DCAF1: variants seen among roughly 807,000 people sequenced by gnomAD.
DCAF1 encodes the protein DDB1- and CUL4-associated factor 1.
A neutral mutation model predicts 128.0 loss-of-function variants in DCAF1; 15 were observed. That is an observed-to-expected ratio of 0.12 (90% CI 0.08 to 0.18). The LOEUF is 0.18. Among genes scored for constraint, DCAF1 ranks in the 10% least tolerant of loss-of-function variants. DCAF1 has a pLI of 1.00. For missense variants in DCAF1, 988 were observed against 1,649.5 expected, an observed-to-expected ratio of 0.60 and a Z score of 6.95; for synonymous variants, 610 against 603.0, an observed-to-expected ratio of 1.01 and a Z score of -0.17.
At chr3:51,461,277 A>G in intron 6 of DCAF1, among the ~76,000 whole-genome samples, 1 of 152,060 alleles carries the variant, frequency 6.6e-6, no homozygotes, top group Non-Finnish European at 1.5e-5. Context: ...TTCTCAAAAG[A>G]AGACATTTAT....
At chr3:51,440,941 C>T (rs781871929) in intron 9 of DCAF1, 29 bp downstream of exon 9, 5 of 1,561,564 alleles carry the variant, frequency 3.2e-6, no homozygotes, top group Non-Finnish European at 3.5e-6. Flanking sequence ...AAAAAATCCC[C>T]GGTGACCCAA....
chr3:51,432,772 A>G (rs1466977193), intron 10 of DCAF1, among the ~76,000 whole-genome samples: 3 of 152,170 alleles, frequency 2.0e-5, no homozygotes, highest in Non-Finnish European at 4.4e-5. Context: ...TGTTTTTACA[A>G]TAACTCATAA....
At chr3:51,500,806 CTCTG>C (rs1395872228), upstream of DCAF1, among the ~76,000 whole-genome samples, 19 of 144,508 alleles carry the variant, frequency 1.3e-4, no homozygotes, top group East Asian at 1.9e-3. Context: ...CCTCTTTTTT[CTCTG>C]TCTTTTTTTT....
intron 2 of DCAF1, among the ~76,000 whole-genome samples, chr3:51,489,494 A>G (rs772434946): frequency 1.5e-4 from 23 of 151,982 alleles, no homozygotes; most frequent in Non-Finnish European, 2.8e-4. Context: ...ATTAGGCAAG[A>G]AAAAGAAATA....
chr3:51,445,836 G>A (rs1217980426), intron 6 of DCAF1, among the ~76,000 whole-genome samples: 1 of 152,046 alleles, frequency 6.6e-6, no homozygotes, highest in African/African-American at 2.4e-5. Context: ...ACCACTATCA[G>A]TCTGATGGGT....
chr3:51,480,125 AT>A (rs797028810), intron 3 of DCAF1, among the ~76,000 whole-genome samples: 2 of 148,184 alleles, frequency 1.3e-5, no homozygotes, highest in Non-Finnish European at 1.5e-5. Context: ...AAAAAAAAAA[AT>A]TTTTTTTAAT....
intron 14 of DCAF1, among the ~76,000 whole-genome samples, chr3:51,421,509 G>A (rs184420283): frequency 3.3e-5 from 5 of 152,208 alleles, no homozygotes; most frequent in South Asian, 2.1e-4. Flanking sequence ...CACCCGCCTC[G>A]GCCTCCCAAA....
intron 4 of DCAF1, among the ~76,000 whole-genome samples, chr3:51,468,318 C>G (rs2108160103): frequency 6.6e-6 from 1 of 152,042 alleles, no homozygotes; most frequent in Non-Finnish European, 1.5e-5. Context: ...ATTACAGGTG[C>G]CTGCCACCAC....
At chr3:51,426,547 T>C (rs919050275) in intron 13 of DCAF1, among the ~76,000 whole-genome samples, 3 of 152,186 alleles carry the variant, frequency 2.0e-5, no homozygotes, top group Non-Finnish European at 4.4e-5. Flanking sequence ...CATTTTCTGT[T>C]TTAATTTCTA....
chr3:51,396,532 A>T (rs182643114), downstream of DCAF1: 2 of 167,196 alleles, frequency 1.2e-5, no homozygotes, highest in Admixed American at 1.3e-4. Context: ...CAGTGCCCCC[A>T]CCCAGGGTTC....
At chr3:51,432,357 G>T (rs927344039) in intron 10 of DCAF1, among the ~76,000 whole-genome samples, 1 of 151,668 alleles carries the variant, frequency 6.6e-6, no homozygotes, top group African/African-American at 2.4e-5. Flanking sequence ...TGAGCACTTG[G>T]GCAATAGGGC....
chr3:51,413,691 T>C (rs1698631261), intron 20 of DCAF1, among the ~76,000 whole-genome samples: 2 of 152,260 alleles, frequency 1.3e-5, no homozygotes, highest in Admixed American at 1.3e-4. Flanking sequence ...TTCATAATGA[T>C]ACACTGGAAA....
intron 9 of DCAF1, among the ~76,000 whole-genome samples, chr3:51,436,915 A>T (rs1213072535): frequency 6.6e-6 from 1 of 152,226 alleles, no homozygotes; most frequent in Non-Finnish European, 1.5e-5. Flanking sequence ...TTTTCAGTAC[A>T]AATAAAGGTA....
upstream of DCAF1, among the ~76,000 whole-genome samples, chr3:51,502,510 T>C (rs1177351290): frequency 6.6e-6 from 1 of 152,064 alleles, no homozygotes; most frequent in African/African-American, 2.4e-5. Flanking sequence ...TGAGCTGTCA[T>C]TGTGCCACTG....
chr3:51,477,408 T>C (rs1337532959), intron 3 of DCAF1, among the ~76,000 whole-genome samples: 2 of 150,410 alleles, frequency 1.3e-5, no homozygotes, highest in Non-Finnish European at 3.0e-5. Flanking sequence ...TTACCCCTGA[T>C]TAAAATAAAA....
At chr3:51,483,631 G>GTA (rs1706543155) in intron 3 of DCAF1, 88 bp downstream of exon 3, 1 of 839,482 alleles carries the variant, frequency 1.2e-6, no homozygotes, top group South Asian at 1.4e-5. Flanking sequence ...GTGTGTGTGT[G>GTA]TGTGTGTGTG....
At chr3:51,468,447 C>A (rs956881222) in intron 4 of DCAF1, among the ~76,000 whole-genome samples, 1 of 152,152 alleles carries the variant, frequency 6.6e-6, no homozygotes, top group Non-Finnish European at 1.5e-5. Flanking sequence ...GCTGGGATTA[C>A]AGGTATGAGC....
intron 3 of DCAF1, among the ~76,000 whole-genome samples, chr3:51,478,223 T>G (rs949110521): frequency 6.6e-6 from 1 of 152,154 alleles, no homozygotes; most frequent in Non-Finnish European, 1.5e-5. Flanking sequence ...CAGGCTGGTT[T>G]TGAGCTCCTG....
rs868988249 is a variant in DCAF1, at chr3:51,441,531, G to A, written c.880C>T (p.Arg294Cys). The change falls in exon 8 of 25, where the codon CGC (arginine) becomes TGC (cysteine). Residue 294 changes from arginine to cysteine, a missense_variant. By Grantham distance (180) the Arg-to-Cys change is radical (BLOSUM62 -3). Coordinates refer to ENST00000684031, the MANE Select transcript of DCAF1 (RefSeq NM_001387579.1). ...KLGFSSSDPD[R>C]MFVELSNSSW... The stretch of plus-strand genomic sequence containing the variant: ...CTATTAGACAGCTCAACAAACATGC[G>A]ATCTGGATCAGAAGATGAGAAACCC... 6 of 1,613,982 alleles carry A rather than the reference G, an allele frequency of 3.7e-6. No homozygotes were observed. Among genetic ancestry groups the A allele is most frequent in the South Asian group, 1.1e-5 (1 of 91,084 alleles).
Sources: gnomAD v4.1 joint callset for allele counts (sites outside exome capture counted in the v4.1 genomes callset) on GRCh38, gnomAD v4.1.1 for gene constraint, MANE v1.5 for transcripts, NCBI Gene and HGNC (gene_info 2026-07-23, HGNC 2026-07-21) for gene names.